The following MFSD11 variants were observed in gnomAD, a reference collection of about 807,000 sequenced individuals.
The protein encoded by MFSD11 is UNC93-like protein MFSD11.
MFSD11 carries 36 observed loss-of-function variants against 53.5 expected under a neutral mutation model. That is an observed-to-expected ratio of 0.67 (90% CI 0.52 to 0.89). MFSD11 has a LOEUF of 0.89. Among genes scored for constraint, MFSD11 ranks in the 40% least tolerant of loss-of-function variants. The probability of loss-of-function intolerance (pLI) is 0.00; values close to 1 mark genes in which losing one functional copy is unlikely to be tolerated. For synonymous variants in MFSD11, 186 were observed against 184.9 expected, an observed-to-expected ratio of 1.01 and a Z score of -0.05; for missense variants, 530 against 543.9, an observed-to-expected ratio of 0.97 and a Z score of 0.25.
chr17:76,739,030 A>G lies in MFSD11; in HGVS notation c.152+37A>G, dbSNP rs139356463. ...TATGATTGATTTTGCTTTATATTTG[A>G]CAGTAGTTGCTTAAATCTCATCAGA... is the stretch of plus-strand genomic sequence containing the variant. On this transcript the variant is annotated intron_variant, in intron 2 of 12. Transcript: ENST00000685175. 1.2e-3 allele frequency: 1,808 copies of G among 1,517,562 alleles called. 42 individuals carry two copies. The Admixed American group carries it at 0.028, about 23-fold the overall frequency. The allele number at this position is 1,517,562 out of a possible 1,614,324, so 94.0% of individuals were successfully genotyped here. A position where few individuals can be genotyped will look rare whatever the true frequency, so the allele number is the denominator to read the frequency against.
At position 76,775,742 on chromosome 17, in the gene MFSD11, T is replaced by A. The variant is rs76621435; in HGVS notation, c.1049+571T>A. On this transcript the variant is annotated intron_variant, in intron 11 of 12. Coordinates refer to ENST00000685175, the MANE Select transcript of MFSD11 (RefSeq NM_001242532.5). ...ACATGATGCTCAAAGGGAAGTGTTA[T>A]TAGAACATTTCAGGTTACAGATTTT... is the stretch of plus-strand genomic sequence containing the variant. Among the ~76,000 whole-genome samples, 1,047 of 152,318 alleles carry A rather than the reference T, an allele frequency of 6.9e-3. 16 individuals are homozygous for A. Among genetic ancestry groups the A allele is most frequent in the African/African-American group, 0.024 (1,000 of 41,578 alleles).
chr17:76,795,898 C>G, the MFSD11 span, among the ~76,000 whole-genome samples: 1 of 151,050 alleles, frequency 6.6e-6, no homozygotes, highest in Non-Finnish European at 1.5e-5. Flanking sequence ...ATCTCCTGAC[C>G]TCGTGATCCA....
intron 8 of MFSD11, among the ~76,000 whole-genome samples, chr17:76,755,905 C>T (rs539129423): frequency 1.7e-3 from 237 of 142,402 alleles, no homozygotes; most frequent in Admixed American, 2.4e-3. Flanking sequence ...CTCACCACAA[C>T]CTCCACCTCC....
At chr17:76,736,661 C>T, upstream of MFSD11, 6 of 1,204,662 alleles carry the variant, frequency 5.0e-6, no homozygotes, top group Non-Finnish European at 5.3e-6. Flanking sequence ...GCGGGGTGGC[C>T]GGAGGGTCGC....
chr17:76,764,605 A>G (rs556402942), intron 8 of MFSD11, among the ~76,000 whole-genome samples: 1 of 152,338 alleles, frequency 6.6e-6, no homozygotes, highest in South Asian at 2.1e-4. Context: ...GCTGAATAAT[A>G]TACCATTGTA....
chr17:76,756,029 G>GGTTA (rs1365181968), intron 8 of MFSD11, among the ~76,000 whole-genome samples: 2 of 149,734 alleles, frequency 1.3e-5, no homozygotes, highest in East Asian at 3.9e-4. Context: ...TCTCCACGTT[G>GGTTA]GTTAGGCTGG....
At chr17:76,736,669 C>T (rs943123753), upstream of MFSD11, 70 of 1,222,006 alleles carry the variant, frequency 5.7e-5, no homozygotes, top group Non-Finnish European at 7.2e-5. Flanking sequence ...GCCGGAGGGT[C>T]GCGAGACGCG....
chr17:76,767,729 A>T (rs2080989990), intron 9 of MFSD11, among the ~76,000 whole-genome samples: 1 of 152,178 alleles, frequency 6.6e-6, no homozygotes, highest in African/African-American at 2.4e-5. Flanking sequence ...ATCTGGCAGG[A>T]TAGCCAGACA....
chr17:76,778,558 T>A lies in MFSD11; in HGVS notation c.*206T>A, dbSNP rs764328324. 13 of 505,670 alleles carry A rather than the reference T, an allele frequency of 2.6e-5. No individual in the cohort carries two copies. Among genetic ancestry groups the A allele is most frequent in the Non-Finnish European group, 4.2e-5 (12 of 286,496 alleles). 31.3% of individuals were successfully genotyped at this position (505,670 alleles called of 1,614,324 possible). On this transcript the variant is annotated 3_prime_UTR_variant, in exon 13 of 13. Transcript: ENST00000685175. ...AAGCAAGTAGAATAAGGGAAAGCTG[T>A]TCTGTCAACTGTAATTGTTCAAAGA...
At chr17:76,762,729 C>CA in intron 8 of MFSD11, among the ~76,000 whole-genome samples, 1 of 149,854 alleles carries the variant, frequency 6.7e-6, no homozygotes, top group Non-Finnish European at 1.5e-5. Context: ...TATTAATTGA[C>CA]AAAGGCTTGA....
upstream of MFSD11, chr17:76,737,909 C>A (rs1362903914): frequency 1.1e-5 from 2 of 181,694 alleles, no homozygotes; most frequent in East Asian, 1.4e-4. Flanking sequence ...GGAGCGCTTG[C>A]GCGTGCCAGG....
At chr17:76,742,470 A>G (rs2069000626) in intron 5 of MFSD11, among the ~76,000 whole-genome samples, 197 bp downstream of exon 5, 2 of 151,574 alleles carry the variant, frequency 1.3e-5, no homozygotes, top group Admixed American at 6.6e-5. Flanking sequence ...ACTCAGGACT[A>G]TTTATACCAA....
chr17:76,775,134 G>C lies in MFSD11; in HGVS notation c.1012G>C (p.Val338Leu). ...NMPGDAPIAP[V>L]KGTDSSAYIK... The stretch of plus-strand genomic sequence containing the variant: ...GCCTGGAGATGCCCCGATTGCTCCT[G>C]TTAAAGGAACTGACAGCAGTGCTTA... The change falls in exon 11 of 13, where the codon GTT becomes CTT. Residue 338 changes from valine to leucine, a missense_variant. Physicochemically the swap from Val to Leu is conservative, Grantham distance 32. Coordinates refer to ENST00000685175, the MANE Select transcript of MFSD11 (RefSeq NM_001242532.5). 6.2e-7 allele frequency: 1 copy of C among 1,613,992 alleles called. No individual in the cohort carries two copies. The highest frequency in any genetic ancestry group is 1.1e-5 in the South Asian group (1 of 91,068).
chr17:76,784,200 AGCC>A (rs2082237730), downstream of MFSD11, among the ~76,000 whole-genome samples: 1 of 152,214 alleles, frequency 6.6e-6, no homozygotes, highest in Non-Finnish European at 1.5e-5. Context: ...TATTCACAAT[AGCC>A]AAAAAGTCAA....
intron 8 of MFSD11, among the ~76,000 whole-genome samples, chr17:76,763,273 T>G (rs1273325284): frequency 6.6e-6 from 1 of 150,914 alleles, no homozygotes; most frequent in African/African-American, 2.4e-5. Context: ...TGTTTTTTGT[T>G]TTTTTTTTTG....
At position 76,779,287 on chromosome 17, in the gene MFSD11, A is replaced by G. The variant is rs2082088714; in HGVS notation, c.*935A>G. 6.6e-6 allele frequency: 1 copy of G among 150,856 alleles called. No homozygotes were observed. Among genetic ancestry groups the G allele is most frequent in the African/African-American group, 2.4e-5 (1 of 41,294 alleles). The allele number at this position is 150,856 out of a possible 1,614,324, so 9.3% of individuals were successfully genotyped here. On this transcript the variant is annotated 3_prime_UTR_variant, in exon 13 of 13. Coordinates refer to ENST00000685175, the MANE Select transcript of MFSD11 (RefSeq NM_001242532.5). ...AAAAAAAAAAAAAGAAAAGAAAATA[A>G]TAATGATAATTTTTTAAAATAATGA...
At chr17:76,795,212 G>A in the MFSD11 span, among the ~76,000 whole-genome samples, 4 of 150,210 alleles carry the variant, frequency 2.7e-5, no homozygotes, top group African/African-American at 4.9e-5. Flanking sequence ...TAGTAATTAC[G>A]GGCTCATGCC....
chr17:76,772,474 T>G (rs1452025304), intron 10 of MFSD11, among the ~76,000 whole-genome samples: 1 of 151,394 alleles, frequency 6.6e-6, no homozygotes, highest in African/African-American at 2.4e-5. Context: ...TGAATATCCT[T>G]TAACAGGATT....
rs1485510997 is a variant in MFSD11 at position 76,775,088 on chromosome 17, T to C, written c.966T>C (p.Phe322=). The C allele has an allele frequency of 6.2e-7, 1 of 1,613,974 alleles. No individual in the cohort carries two copies. Among genetic ancestry groups the C allele is most frequent in the African/African-American group, 1.3e-5 (1 of 74,924 alleles). The part of the protein sequence containing the change: ...LLGILVHFIA[F]YLIFLNMPGD... ...GCATCCTGGTGCACTTCATAGCTTT[T>C]TATCTAATATTTCTCAACATGCCTG... is the stretch of plus-strand genomic sequence containing the variant. Residue 322 remains phenylalanine (F), a synonymous_variant, in exon 11 of 13, where the codon TTT becomes TTC. Coordinates refer to ENST00000685175, the MANE Select transcript of MFSD11 (RefSeq NM_001242532.5).
Sources: gnomAD v4.1 joint callset for allele counts (sites outside exome capture counted in the v4.1 genomes callset) on GRCh38, gnomAD v4.1.1 for gene constraint, MANE v1.5 for transcripts, NCBI Gene and HGNC (gene_info 2026-07-23, HGNC 2026-07-21) for gene names.